Variants in GRIN1 observed in about 807,000 individuals in gnomAD.
GRIN1 encodes glutamate receptor ionotropic, NMDA 1.
In GRIN1, 38 loss-of-function variants were observed where a neutral mutation model predicts 103.0. The ratio of observed to expected loss-of-function variants is 0.37; its 90% CI spans 0.28 to 0.48. GRIN1 has a LOEUF of 0.48. Ranked by LOEUF, GRIN1 falls within the 20% of genes least tolerant of loss-of-function variation. The probability of loss-of-function intolerance (pLI) is 0.98; values close to 1 mark genes in which losing one functional copy is unlikely to be tolerated. For synonymous variants in GRIN1, 544 were observed against 532.7 expected, an observed-to-expected ratio of 1.02 and a Z score of -0.29; for missense variants, 577 against 1,288.9, an observed-to-expected ratio of 0.45 and a Z score of 8.46.
chr9:137,157,996 G>T (rs557185563), intron 6 of GRIN1, among the ~76,000 whole-genome samples: 122 of 152,362 alleles, frequency 8.0e-4, no homozygotes, highest in Non-Finnish European at 1.1e-3. Context: ...GTTAGAGCTG[G>T]CTCAACCTCG....
Position 137,139,161 on chromosome 9 carries a change from C to A in GRIN1, c.-326C>A, listed in dbSNP as rs977203709. The A allele has an allele frequency of 6.5e-6, 1 of 154,646 alleles. No individual in the cohort carries two copies. Among genetic ancestry groups the A allele is most frequent in the Non-Finnish European group, 1.4e-5 (1 of 69,170 alleles). 9.6% of individuals were successfully genotyped at this position (154,646 alleles called of 1,614,324 possible). On this transcript the variant is annotated 5_prime_UTR_variant, in exon 1 of 20. Transcript: ENST00000371561. This position sits in a 1 kb window ranked among gnomAD's most constrained non-coding sequence, Gnocchi z 7.7. ...CGCGTTTCTGCAGCTGCTGCAGTCG[C>A]CGCAGCGTCCGGACCGGAACCAGCG...
intron 8 of GRIN1, 38 bp downstream of exon 8, chr9:137,158,742 C>T: frequency 1.4e-6 from 2 of 1,440,600 alleles, no homozygotes; most frequent in Non-Finnish European, 2.0e-6. Flanking sequence ...GTCCCCACCC[C>T]AGACAGCCCA....
At chr9:137,147,120 G>A (rs988528598) in intron 3 of GRIN1, among the ~76,000 whole-genome samples, 10 of 141,420 alleles carry the variant, frequency 7.1e-5, no homozygotes, top group East Asian at 2.1e-4. Context: ...CCACGGCCAC[G>A]GACTCCCATC....
rs145176345 is a variant in GRIN1 at position 137,158,415 on chromosome 9, T to C, written c.1005T>C (p.Thr335=). 4.4e-5 allele frequency: 71 copies of C among 1,613,472 alleles called. No individual in the cohort carries two copies. In the African/African-American group the frequency reaches 8.4e-4, roughly 19 times the overall value. ...CTTCCAAGTATGCGGATGGGGTGAC[T>C]GGTCGCGTGGAGTTCAATGAGGATG... ...LMSSKYADGV[T]GRVEFNEDGD... The change falls in exon 7 of 20, where the codon ACT becomes ACC. Residue 335 remains threonine, a synonymous_variant. Coordinates refer to ENST00000371561, the MANE Select transcript of GRIN1 (RefSeq NM_007327.4).
chr9:137,156,093 C>A (rs969128725), intron 4 of GRIN1, among the ~76,000 whole-genome samples: 1 of 152,206 alleles, frequency 6.6e-6, no homozygotes, highest in Non-Finnish European at 1.5e-5. Flanking sequence ...CACTTACCAA[C>A]TCTTGTGTGT....
Position 137,165,315 on chromosome 9 carries a change from C to G in GRIN1, c.2700+19C>G. On this transcript the variant is annotated intron_variant, in intron 19 of 19. Transcript: ENST00000371561. ...AGACACGGTAAGGGGGAGAGCACCC[C>G]AGTCCCGCGTCCGACTCCACCTGCC... 1 of 1,469,838 alleles carries G rather than the reference C, an allele frequency of 6.8e-7. No individual in the cohort carries two copies. The highest frequency in any genetic ancestry group is 9.5e-7 in the Non-Finnish European group (1 of 1,050,926). The allele number at this position is 1,469,838 out of a possible 1,614,324, so 91.0% of individuals were successfully genotyped here.
At chr9:137,144,745 T>C (rs1479943920) in intron 2 of GRIN1, among the ~76,000 whole-genome samples, 1 of 38,838 alleles carries the variant, frequency 2.6e-5, no homozygotes. Context: ...GGGACAGGAG[T>C]GAGAGGAAGG....
chr9:137,151,976 G>A (rs996733116), intron 4 of GRIN1, among the ~76,000 whole-genome samples: 20 of 128,614 alleles, frequency 1.6e-4, no homozygotes, highest in Middle Eastern at 5.5e-3. Flanking sequence ...GCTCGATCTC[G>A]GCTCATTGCA....
intron 4 of GRIN1, among the ~76,000 whole-genome samples, chr9:137,152,967 C>T (rs986289437): frequency 5.3e-5 from 8 of 151,504 alleles, no homozygotes; most frequent in South Asian, 2.1e-4. Context: ...CACACATGTG[C>T]GCAAATGCAT....
rs776859038 is a variant in GRIN1 at position 137,139,447 on chromosome 9, G to A, written c.-40G>A. The A allele has an allele frequency of 7.1e-7, 1 of 1,417,448 alleles. No individual in the cohort carries two copies. The highest frequency in any genetic ancestry group is 9.2e-7 in the Non-Finnish European group (1 of 1,085,588). The allele number at this position is 1,417,448 out of a possible 1,614,324, so 87.8% of individuals were successfully genotyped here. A position where few individuals can be genotyped will look rare whatever the true frequency, so the allele number is the denominator to read the frequency against. On this transcript the variant is annotated 5_prime_UTR_variant, in exon 1 of 20. Transcript: ENST00000371561. The surrounding 1 kb of genome is among the most constrained non-coding windows in gnomAD (Gnocchi z 7.7). ...CCGCGGGGGATGCGCCGAGGGCCCCGCGTTCGCGCCGCGCAGAGCCAGGCC... is the reference window on the plus strand; with the variant it reads ...CCGCGGGGGATGCGCCGAGGGCCCCACGTTCGCGCCGCGCAGAGCCAGGCC...
In GRIN1 at chr9:137,168,357, C is replaced by T. The variant is rs995866560; in HGVS notation, c.*830C>T. On this transcript the variant is annotated 3_prime_UTR_variant, in exon 20 of 20. Transcript: ENST00000371561. The stretch of plus-strand genomic sequence containing the variant: ...ACGCCGGGGCTGGCCCTGCCCTCCC[C>T]CACGGCCGTCCCTGACTTCCCAGCT... The T allele has an allele frequency of 3.4e-5, 6 of 178,858 alleles. No individual in the cohort carries two copies. The highest frequency in any genetic ancestry group is 6.3e-5 in the Admixed American group (1 of 15,914). 11.1% of individuals were successfully genotyped at this position (178,858 alleles called of 1,614,324 possible). A position where few individuals can be genotyped will look rare whatever the true frequency, so the allele number is the denominator to read the frequency against.
chr9:137,163,409 C>T, intron 16 of GRIN1, 79 bp downstream of exon 16: 2 of 1,536,390 alleles, frequency 1.3e-6, no homozygotes, highest in Non-Finnish European at 1.8e-6. Flanking sequence ...CAGACCACTC[C>T]GAGGCCACCA....
At chr9:137,157,330 T>A (rs1833293108) in intron 6 of GRIN1, among the ~76,000 whole-genome samples, 1 of 152,122 alleles carries the variant, frequency 6.6e-6, no homozygotes, top group Non-Finnish European at 1.5e-5. Context: ...TGGACACTGT[T>A]ACTTCTCTCC....
rs1833978528 is a variant in GRIN1 at position 137,168,168 on chromosome 9, C to T, written c.*641C>T. On this transcript the variant is annotated 3_prime_UTR_variant, in exon 20 of 20. Coordinates refer to ENST00000371561, the MANE Select transcript of GRIN1 (RefSeq NM_007327.4). Reference sequence around the variant, plus strand: ...GAGGGGCTTGGAGCAGAGACGGCAGCCCCATCCTTCCCGCAGCACCAGCCT... The same window carrying T: ...GAGGGGCTTGGAGCAGAGACGGCAGTCCCATCCTTCCCGCAGCACCAGCCT... 6.7e-6 allele frequency: 3 copies of T among 450,456 alleles called. No individual in the cohort carries two copies. The highest frequency in any genetic ancestry group is 2.1e-5 in the African/African-American group (1 of 47,460). 27.9% of individuals were successfully genotyped at this position (450,456 alleles called of 1,614,324 possible).
At chr9:137,165,810 T>C (rs1833846941) in intron 19 of GRIN1, among the ~76,000 whole-genome samples, 1 of 152,220 alleles carries the variant, frequency 6.6e-6, no homozygotes, top group Non-Finnish European at 1.5e-5. Context: ...GTCTGGCCAC[T>C]GGCCCCGCCC....
intron 3 of GRIN1, 147 bp from the exon 4 acceptor site, chr9:137,148,862 C>A: frequency 1.4e-6 from 1 of 691,474 alleles, no homozygotes; most frequent in Non-Finnish European, 2.6e-6. Context: ...CTGAGGAAGG[C>A]AGGCGGAGGC....
Position 137,157,032 on chromosome 9 carries a change from C to G in GRIN1, c.963C>G (p.Phe321Leu). 6.4e-7 allele frequency: 1 copy of G among 1,568,662 alleles called. No individual in the cohort carries two copies. The highest frequency in any genetic ancestry group is 8.7e-7 in the Non-Finnish European group (1 of 1,154,466). ...NTNIWKTGPL[F>L]KRVLMSSKYA... ...ACATCTGGAAGACCGGGCCGCTCTT[C>G]AAGAGGTGGGCGGGGCCTCCCCGGA... Residue 321 changes from phenylalanine to leucine, a missense_variant, in exon 6 of 20, where the codon TTC (phenylalanine) becomes TTG (leucine). By Grantham distance (22) the Phe-to-Leu change is conservative. Coordinates refer to ENST00000371561, the MANE Select transcript of GRIN1 (RefSeq NM_007327.4).
chr9:137,152,637 G>GGTCCC (rs1832972501), intron 4 of GRIN1, among the ~76,000 whole-genome samples: 1 of 152,148 alleles, frequency 6.6e-6, no homozygotes, highest in Non-Finnish European at 1.5e-5. Flanking sequence ...CCCACAGGTT[G>GGTCCC]ACCCCGCGTT....
Position 137,149,059 on chromosome 9 carries a change from G to C in GRIN1, c.621G>C (p.Leu207=), listed in dbSNP as rs745793001. Reference sequence around the variant, plus strand: ...CAGGGACCAAGAACGTGACGGCCCTGCTGATGGAGGCGAAAGAGCTGGAGG... The same window carrying C: ...CAGGGACCAAGAACGTGACGGCCCTCCTGATGGAGGCGAAAGAGCTGGAGG... ...FDPGTKNVTA[L]LMEAKELEAR... The change falls in exon 4 of 20, where the codon CTG becomes CTC. Residue 207 remains leucine (L), a synonymous_variant. Transcript: ENST00000371561. The C allele has an allele frequency of 2.5e-6, 4 of 1,613,540 alleles. No homozygotes were observed. The highest frequency in any genetic ancestry group is 2.7e-5 in the African/African-American group (2 of 74,926).
Sources: allele counts gnomAD v4.1 joint callset (sites outside exome capture counted in the v4.1 genomes callset), GRCh38; gene constraint gnomAD v4.1.1; non-coding constraint Gnocchi (gnomAD v3.1); transcripts MANE v1.5; gene names NCBI Gene and HGNC (gene_info 2026-07-23, HGNC 2026-07-21).